The following TSNARE1 variants were observed in gnomAD, a reference collection of about 807,000 sequenced individuals.
The protein encoded by TSNARE1 is t-SNARE domain containing 1, also known as t-SNARE domain-containing protein 1.
Under a neutral mutation model 62.0 loss-of-function variants are expected in TSNARE1, and 49 were observed. That is an observed-to-expected ratio of 0.79 (90% CI 0.63 to 1.00). The LOEUF (loss-of-function observed/expected upper bound fraction) is 1.00. Among genes scored for constraint, TSNARE1 ranks in the 50% least tolerant of loss-of-function variants. The probability of loss-of-function intolerance (pLI) is 0.00; values close to 1 mark genes in which losing one functional copy is unlikely to be tolerated. For synonymous variants in TSNARE1, 328 were observed against 294.4 expected (o/e 1.11, Z -1.17); for missense variants, 755 against 700.1 (o/e 1.08, Z -0.88).
At chr8:142,255,112 C>T (rs916535485) in intron 12 of TSNARE1, among the ~76,000 whole-genome samples, 4 of 152,004 alleles carry the variant, frequency 2.6e-5, no homozygotes, top group East Asian at 1.9e-4. Flanking sequence ...AGGCCCCCAG[C>T]GGCTGAAGGG....
chr8:142,348,400 C>T (rs954042868), intron 2 of TSNARE1, among the ~76,000 whole-genome samples: 1 of 152,184 alleles, frequency 6.6e-6, no homozygotes, highest in African/African-American at 2.4e-5. Flanking sequence ...ACACCTCTGC[C>T]CGTGTGTCTA....
intron 12 of TSNARE1, among the ~76,000 whole-genome samples, chr8:142,252,881 G>A (rs1167372922): frequency 6.6e-6 from 1 of 152,068 alleles, no homozygotes; most frequent in Non-Finnish European, 1.5e-5. Flanking sequence ...ACTGCTTCCT[G>A]GCCACTGCCC....
Position 142,384,807 on chromosome 8 carries a change from C to T in TSNARE1, c.-40+18297G>A, listed in dbSNP as rs147777584. On this transcript the variant is annotated intron_variant, in intron 1 of 13. Coordinates refer to ENST00000524325, the MANE Select transcript of TSNARE1 (RefSeq NM_145003.5). ...TTAGCTATGACAGACACCAAAAGCA[C>T]AGACAAGAAAAGAAAAAAATAGATG... Among the ~76,000 whole-genome samples the T allele has an allele frequency of 3.5e-3, 538 of 152,138 alleles. 2 individuals are homozygous for T. The highest frequency in any genetic ancestry group is 0.012 in the South Asian group (59 of 4,806).
At chr8:142,359,174 T>G (rs1463344960) in intron 1 of TSNARE1, among the ~76,000 whole-genome samples, 2 of 151,774 alleles carry the variant, frequency 1.3e-5, no homozygotes. Context: ...AACCCAGCTG[T>G]CCCACCGGGC....
At chr8:142,224,722 G>C (rs928740954) in intron 13 of TSNARE1, among the ~76,000 whole-genome samples, 2 of 58,422 alleles carry the variant, frequency 3.4e-5, no homozygotes, top group African/African-American at 1.2e-4. Flanking sequence ...GCCAGGGAGG[G>C]GTGCTCTGGG....
intron 10 of TSNARE1, among the ~76,000 whole-genome samples, chr8:142,294,981 G>T (rs937059971): frequency 6.6e-6 from 1 of 152,142 alleles, no homozygotes; most frequent in African/African-American, 2.4e-5. Flanking sequence ...CCCAACACCC[G>T]GAGTCCTGGG....
chr8:142,326,402 C>A lies in TSNARE1; in HGVS notation c.893+4499G>T, dbSNP rs1830272798. 2.0e-5 allele frequency among the ~76,000 whole-genome samples: 2 copies of A among 101,496 alleles called. 1 individual carries two copies. The highest frequency in any genetic ancestry group is 3.8e-5 in the Non-Finnish European group (2 of 52,376). 66.6% of individuals were successfully genotyped at this position (101,496 alleles called of 152,430 possible). ...GCACGAGACGGATGAGGAACCAGCA[C>A]CAGCGAAGGGGAGGGCCCCGGAGAC... On this transcript the variant is annotated intron_variant, in intron 6 of 13. Coordinates refer to ENST00000524325, the MANE Select transcript of TSNARE1 (RefSeq NM_145003.5).
intron 12 of TSNARE1, among the ~76,000 whole-genome samples, chr8:142,242,343 C>A (rs1406969905): frequency 3.3e-5 from 5 of 152,218 alleles, no homozygotes; most frequent in Admixed American, 2.0e-4. Flanking sequence ...CTTTTCTTAA[C>A]ACTGGTCTTG....
chr8:142,224,314 TG>T (rs1449896586), intron 13 of TSNARE1, among the ~76,000 whole-genome samples: 2 of 152,172 alleles, frequency 1.3e-5, no homozygotes, highest in African/African-American at 4.8e-5. Context: ...TGACTGAGGA[TG>T]CCCCAAGCCT....
At chr8:142,275,880 T>G (rs980481999) in intron 11 of TSNARE1, 1 of 984,578 alleles carries the variant, frequency 1.0e-6, no homozygotes, top group South Asian at 4.7e-5. Flanking sequence ...GGGAGGAGGG[T>G]CCTCAGAAAG....
intron 4 of TSNARE1, among the ~76,000 whole-genome samples, chr8:142,342,795 C>T (rs992843520): frequency 5.3e-5 from 8 of 151,730 alleles, no homozygotes. Flanking sequence ...AGCTCAGACG[C>T]CATGCCTACG....
At chr8:142,345,929 C>A (rs979536201) in intron 2 of TSNARE1, 37 bp from the exon 3 acceptor site, 2 of 1,590,070 alleles carry the variant, frequency 1.3e-6, no homozygotes, top group Non-Finnish European at 1.7e-6. Flanking sequence ...TTACTCTCAG[C>A]TCAGGGCGCT....
At chr8:142,303,363 C>T (rs1826090631) in intron 9 of TSNARE1, among the ~76,000 whole-genome samples, 1 of 152,206 alleles carries the variant, frequency 6.6e-6, no homozygotes, top group Non-Finnish European at 1.5e-5. Flanking sequence ...AAAAACCGCC[C>T]AGCCTGGGTC....
At chr8:142,281,341 G>C (rs1296594741) in intron 11 of TSNARE1, among the ~76,000 whole-genome samples, 1 of 152,098 alleles carries the variant, frequency 6.6e-6, no homozygotes, top group Non-Finnish European at 1.5e-5. Flanking sequence ...AGCAGGTATA[G>C]ACAGGGCGGG....
At chr8:142,343,102 C>T (rs766082774) in intron 4 of TSNARE1, among the ~76,000 whole-genome samples, 4 of 152,178 alleles carry the variant, frequency 2.6e-5, no homozygotes, top group African/African-American at 7.2e-5. Flanking sequence ...ACCAATAAAG[C>T]GATGCTCTCC....
At chr8:142,240,972 G>A (rs1817646146) in intron 12 of TSNARE1, among the ~76,000 whole-genome samples, 2 of 152,140 alleles carry the variant, frequency 1.3e-5, no homozygotes, top group Admixed American at 6.5e-5. Flanking sequence ...CAAGGGTGCC[G>A]GCTATCATCA....
chr8:142,279,238 GCTGGACTGCAT>G (rs1286097348), intron 11 of TSNARE1, among the ~76,000 whole-genome samples: 1 of 152,262 alleles, frequency 6.6e-6, no homozygotes, highest in Non-Finnish European at 1.5e-5. Flanking sequence ...CGTGCTCACC[GCTGGACTGCAT>G]CTGGAAGGGG....
At chr8:142,328,807 A>G (rs1173486202) in intron 6 of TSNARE1, among the ~76,000 whole-genome samples, 1 of 113,796 alleles carries the variant, frequency 8.8e-6, no homozygotes, top group Non-Finnish European at 1.7e-5. Context: ...GGTCTGTGAC[A>G]GGGAGGCCTT....
chr8:142,270,504 T>TATATATATATATATATATATATATATA (rs1819433657), intron 12 of TSNARE1: 1 of 864,436 alleles, frequency 1.2e-6, no homozygotes, highest in Admixed American at 8.1e-5. Context: ...ATATATATAT[T>TATATATATATATATATATATATATATA]TATGTATTTA....
Sources: allele counts gnomAD v4.1 joint callset (sites outside exome capture counted in the v4.1 genomes callset), GRCh38; gene constraint gnomAD v4.1.1; transcripts MANE v1.5; gene names NCBI Gene and HGNC (gene_info 2026-07-23, HGNC 2026-07-21).